TTC13: variants seen among roughly 807,000 people sequenced by gnomAD.
TTC13 encodes the protein tetratricopeptide repeat domain 13.
Under a neutral mutation model 120.0 loss-of-function variants are expected in TTC13, and 62 were observed. The ratio of observed to expected loss-of-function variants is 0.52; its 90% CI spans 0.42 to 0.64. TTC13 has a LOEUF of 0.64. TTC13 is among the 30% of genes least tolerant of loss of function. The probability of loss-of-function intolerance (pLI) is 0.00; values close to 1 mark genes in which losing one functional copy is unlikely to be tolerated. For synonymous variants in TTC13, 384 were observed against 393.5 expected (o/e 0.98, Z 0.28); for missense variants, 824 against 1,050.2 (o/e 0.78, Z 2.98).
Position 230,925,632 on chromosome 1 carries a change from C to T in TTC13, c.1473G>A (p.Gln491=). 6.2e-7 allele frequency: 1 copy of T among 1,614,008 alleles called. No homozygotes were observed. Among genetic ancestry groups the T allele is most frequent in the Non-Finnish European group, 8.5e-7 (1 of 1,179,934 alleles). Residue 491 remains glutamine, a synonymous_variant, in exon 13 of 23, where the codon CAG becomes CAA. Transcript: ENST00000366661. ...LQPHIKDVLH[Q]NFESYKPEVQ... ...CTTCAGGCTTATAACTCTCAAAATT[C>T]TGATGTAACACATCTCTGGAAGAAA...
At chr1:230,918,767 G>C (rs986974343) in intron 17 of TTC13, among the ~76,000 whole-genome samples, 4 of 152,164 alleles carry the variant, frequency 2.6e-5, no homozygotes, top group African/African-American at 7.2e-5. Flanking sequence ...TGGGGCCTGG[G>C]TCAGATGCTC....
At chr1:230,933,662 C>G in intron 9 of TTC13, 117 bp downstream of exon 9, 1 of 555,642 alleles carries the variant, frequency 1.8e-6, no homozygotes. Context: ...TTGCACAATT[C>G]AAAATACCCA....
intron 1 of TTC13, among the ~76,000 whole-genome samples, 184 bp from the exon 2 acceptor site, chr1:230,961,487 C>T (rs1676636273): frequency 6.6e-6 from 1 of 152,060 alleles, no homozygotes. Context: ...AGGAGGCTCG[C>T]TTGAGGCAAG....
intron 2 of TTC13, among the ~76,000 whole-genome samples, chr1:230,960,999 CA>C (rs1676581798): frequency 6.6e-6 from 1 of 152,188 alleles, no homozygotes; most frequent in Non-Finnish European, 1.5e-5. Context: ...TTGACACTTG[CA>C]AATTAAAAGT....
At chr1:230,948,747 C>T (rs1313720794) in intron 4 of TTC13, among the ~76,000 whole-genome samples, 1 of 152,114 alleles carries the variant, frequency 6.6e-6, no homozygotes. Context: ...GCTTCAACCT[C>T]CCAAAGTGCT....
intron 19 of TTC13, among the ~76,000 whole-genome samples, chr1:230,912,366 G>A (rs1671592436): frequency 6.6e-6 from 1 of 152,152 alleles, no homozygotes; most frequent in African/African-American, 2.4e-5. Flanking sequence ...TTATGGACCA[G>A]CTTTTTTATA....
rs1312328324 is a variant in TTC13, at chr1:230,931,922, G to A, written c.984-45C>T. 5 of 1,567,744 alleles carry A rather than the reference G, an allele frequency of 3.2e-6. No individual in the cohort carries two copies. The South Asian group carries it at 5.7e-5, about 18-fold the overall frequency. On this transcript the variant is annotated intron_variant, in intron 9 of 22. Coordinates refer to ENST00000366661, the MANE Select transcript of TTC13 (RefSeq NM_024525.5). ...TATGAATACAGTATAGATATTACGGGAAACATACAGAATAAGCTATCCTCA... is the reference window on the plus strand; with the variant it reads ...TATGAATACAGTATAGATATTACGGAAAACATACAGAATAAGCTATCCTCA...
At position 230,954,419 on chromosome 1, in the gene TTC13, C is replaced by G. The variant is rs749287181; in HGVS notation, c.443-16G>C. The G allele has an allele frequency of 5.0e-6, 8 of 1,589,590 alleles. No homozygotes were observed. In the South Asian group the frequency reaches 9.1e-5, roughly 18 times the overall value. ...TAAGCAATAGCTATGAAACAAAATA[C>G]AAAAATATTAAAGGAAAGAATAAAG... On this transcript the variant is annotated splice_polypyrimidine_tract_variant and intron_variant, in intron 3 of 22. Coordinates refer to ENST00000366661, the MANE Select transcript of TTC13 (RefSeq NM_024525.5).
chr1:230,935,077 T>C (rs916340865), intron 8 of TTC13, among the ~76,000 whole-genome samples: 2 of 152,248 alleles, frequency 1.3e-5, no homozygotes, highest in South Asian at 4.1e-4. Context: ...GCTGAATATC[T>C]ACGGTTGGGT....
chr1:230,939,523 A>T lies in TTC13; in HGVS notation c.790-27T>A, dbSNP rs1451150502. 3 of 1,436,698 alleles carry T rather than the reference A, an allele frequency of 2.1e-6. No homozygotes were observed. The Admixed American group carries it at 5.3e-5, about 25-fold the overall frequency. The allele number at this position is 1,436,698 out of a possible 1,614,324, so 89.0% of individuals were successfully genotyped here. On this transcript the variant is annotated intron_variant, in intron 7 of 22. Transcript: ENST00000366661. ...TACAAAAAGGAGAGTGGGGGGAAAAATAAAATAGTATTCATTAGATATGTG... is the reference window on the plus strand; with the variant it reads ...TACAAAAAGGAGAGTGGGGGGAAAATTAAAATAGTATTCATTAGATATGTG...
At chr1:230,950,903 C>T (rs996881912) in intron 4 of TTC13, among the ~76,000 whole-genome samples, 10 of 152,200 alleles carry the variant, frequency 6.6e-5, no homozygotes, top group African/African-American at 2.4e-4. Context: ...CTCAAGAACA[C>T]TATTACTGAT....
intron 18 of TTC13, 144 bp downstream of exon 18, chr1:230,916,049 G>T (rs1395911282): frequency 1.5e-5 from 10 of 662,862 alleles, no homozygotes; most frequent in Non-Finnish European, 2.7e-5. Flanking sequence ...TAAATAACTG[G>T]TTATAACTGC....
At chr1:230,937,214 A>G (rs1463424542) in intron 8 of TTC13, among the ~76,000 whole-genome samples, 2 of 152,210 alleles carry the variant, frequency 1.3e-5, no homozygotes, top group Non-Finnish European at 2.9e-5. Context: ...CTTTTCTGAA[A>G]AATTCTCATT....
chr1:230,916,907 T>C (rs2102765429), intron 17 of TTC13, among the ~76,000 whole-genome samples: 1 of 152,330 alleles, frequency 6.6e-6, no homozygotes, highest in East Asian at 1.9e-4. Context: ...GCTTTCTGTT[T>C]AAAACATTTG....
chr1:230,927,892 T>C (rs535229893), intron 12 of TTC13, among the ~76,000 whole-genome samples: 85 of 152,328 alleles, frequency 5.6e-4, no homozygotes, highest in African/African-American at 1.9e-3. Flanking sequence ...TTTTATTTTA[T>C]CCATAAAATA....
chr1:230,973,579 G>A (rs940655790), intron 1 of TTC13, among the ~76,000 whole-genome samples: 2 of 152,128 alleles, frequency 1.3e-5, no homozygotes, highest in African/African-American at 2.4e-5. Flanking sequence ...AAAGGCTGAA[G>A]GCATTGGAAA....
chr1:230,911,483 A>C lies in TTC13; in HGVS notation c.2296T>G (p.Ser766Ala), dbSNP rs201168889. 5.7e-5 allele frequency: 91 copies of C among 1,598,446 alleles called. No homozygotes were observed. Among genetic ancestry groups the C allele is most frequent in the Admixed American group, 3.5e-5 (2 of 57,368 alleles). The change falls in exon 20 of 23, where the codon TCT (serine) becomes GCT (alanine). Residue 766 changes from serine to alanine, a missense_variant. Physicochemically the swap from Ser to Ala is moderately conservative, Grantham distance 99 (BLOSUM62 1). Transcript: ENST00000366661. ...VYYFYNLMPLSRGSSVIAYSV... is the reference protein window; with the variant it reads ...VYYFYNLMPLARGSSVIAYSV... ...GATATTACTTACCTGGATCCTCGAG[A>C]GAGTGGCATTAAATTATAAAAGTAA...
intron 6 of TTC13, among the ~76,000 whole-genome samples, chr1:230,941,704 A>G (rs181071740): frequency 1.6e-4 from 25 of 152,332 alleles, no homozygotes; most frequent in Admixed American, 1.4e-3. Context: ...CAGGCCTATC[A>G]CCAGTAGTAA....
intron 1 of TTC13, among the ~76,000 whole-genome samples, chr1:230,969,134 C>T (rs971481014): frequency 2.9e-4 from 37 of 128,456 alleles, no homozygotes; most frequent in African/African-American, 1.0e-3. Context: ...CAGTGGCAGG[C>T]GCCTGTAGTC....
Sources: allele counts gnomAD v4.1 joint callset (sites outside exome capture counted in the v4.1 genomes callset), GRCh38; gene constraint gnomAD v4.1.1; transcripts MANE v1.5; gene names NCBI Gene and HGNC (gene_info 2026-07-23, HGNC 2026-07-21).